The following PCDH15 variants were observed in gnomAD, a reference collection of about 807,000 sequenced individuals.
The protein encoded by PCDH15 is protocadherin related 15.
In PCDH15, 129 loss-of-function variants were observed where a neutral mutation model predicts 178.5. That is an observed-to-expected ratio of 0.72 (90% CI 0.63 to 0.84). The LOEUF (loss-of-function observed/expected upper bound fraction) is 0.84, where lower values mean the gene tolerates loss of function less well. PCDH15 is among the 40% of genes least tolerant of loss of function. The pLI is 0.00. For synonymous variants in PCDH15, 800 were observed against 732.0 expected (o/e 1.09, Z -1.50); for missense variants, 2,230 against 2,099.9 (o/e 1.06, Z -1.21).
intron 26 of PCDH15, among the ~76,000 whole-genome samples, chr10:53,878,598 T>A (rs1171120356): frequency 6.7e-6 from 1 of 150,320 alleles, no homozygotes; most frequent in Non-Finnish European, 1.5e-5. Context: ...CTGAAGGTGT[T>A]CTTATCTCTA....
intron 1 of PCDH15, among the ~76,000 whole-genome samples, chr10:55,238,877 G>A (rs1841465786): frequency 6.6e-6 from 1 of 152,028 alleles, no homozygotes; most frequent in Non-Finnish European, 1.5e-5. Context: ...GGAACACAAA[G>A]TACTTTTGTA....
At chr10:54,867,077 A>G (rs1215513239) in intron 3 of PCDH15, among the ~76,000 whole-genome samples, 1 of 152,194 alleles carries the variant, frequency 6.6e-6, no homozygotes, top group African/African-American at 2.4e-5. Context: ...ATAGCATCAA[A>G]TAACAACTGC....
intron 3 of PCDH15, among the ~76,000 whole-genome samples, chr10:54,388,705 A>G (rs1950199925): frequency 6.6e-6 from 1 of 152,224 alleles, no homozygotes; most frequent in Non-Finnish European, 1.5e-5. Context: ...TTAAAATAAA[A>G]TAAATCACCT....
intron 7 of PCDH15, among the ~76,000 whole-genome samples, chr10:54,328,803 T>A (rs991882648): frequency 2.6e-5 from 2 of 78,410 alleles, no homozygotes; most frequent in Admixed American, 1.3e-4. Context: ...AAGAGGGAAG[T>A]ATAAGGATGG....
intron 2 of PCDH15, among the ~76,000 whole-genome samples, chr10:55,399,617 A>T (rs1224703741): frequency 6.6e-6 from 1 of 152,124 alleles, no homozygotes; most frequent in Non-Finnish European, 1.5e-5. Context: ...ATCTTAGATT[A>T]CTCACTTCAC....
chr10:54,220,306 A>G (rs2052635379), intron 9 of PCDH15, among the ~76,000 whole-genome samples: 1 of 152,248 alleles, frequency 6.6e-6, no homozygotes, highest in African/African-American at 2.4e-5. Context: ...TGGGAAAGAT[A>G]TTTATTGCTT....
chr10:53,831,722 TC>T, intron 29 of PCDH15, among the ~76,000 whole-genome samples, 189 bp from the exon 30 acceptor site: 1 of 152,182 alleles, frequency 6.6e-6, no homozygotes, highest in South Asian at 2.1e-4. Context: ...TAATTACACA[TC>T]TGTATAGAAA....
chr10:54,048,489 A>C (rs1261918321), intron 18 of PCDH15, among the ~76,000 whole-genome samples: 1 of 152,122 alleles, frequency 6.6e-6, no homozygotes. Context: ...TGATGTCCAG[A>C]ATGATATTTC....
At chr10:55,503,670 G>A (rs1258358093) in intron 2 of PCDH15, among the ~76,000 whole-genome samples, 1 of 151,340 alleles carries the variant, frequency 6.6e-6, no homozygotes, top group Non-Finnish European at 1.5e-5. Flanking sequence ...ATAAGCATAT[G>A]AAAAGGTGCT....
At chr10:55,149,805 C>A (rs1838647322) in intron 2 of PCDH15, among the ~76,000 whole-genome samples, 1 of 152,048 alleles carries the variant, frequency 6.6e-6, no homozygotes, top group Non-Finnish European at 1.5e-5. Flanking sequence ...CCCAGAAATT[C>A]TGACCAATTG....
chr10:54,123,936 T>A (rs535553531), intron 15 of PCDH15, among the ~76,000 whole-genome samples: 1 of 152,164 alleles, frequency 6.6e-6, no homozygotes, highest in Non-Finnish European at 1.5e-5. Context: ...CACTTATAAG[T>A]GAGAACTAAA....
intron 3 of PCDH15, among the ~76,000 whole-genome samples, chr10:54,482,500 G>A (rs1033743371): frequency 6.6e-6 from 1 of 151,666 alleles, no homozygotes; most frequent in Admixed American, 6.6e-5. Context: ...TATTTATTTA[G>A]ATGCTCCCCA....
chr10:54,477,865 G>A (rs2078393468), intron 3 of PCDH15, among the ~76,000 whole-genome samples: 1 of 152,132 alleles, frequency 6.6e-6, no homozygotes, highest in African/African-American at 2.4e-5. Context: ...TTACAGGCAT[G>A]AGCTACTGCA....
rs773898624 is a variant in PCDH15 at position 54,317,408 on chromosome 10, T to A, written c.739A>T (p.Thr247Ser). 1 of 1,613,858 alleles carries A rather than the reference T, an allele frequency of 6.2e-7. No homozygotes were observed. The highest frequency in any genetic ancestry group is 1.1e-5 in the South Asian group (1 of 91,074). Residue 247 changes from threonine (T) to serine (S), a missense_variant, in exon 8 of 38, where the codon ACC (threonine) becomes TCC (serine). By Grantham distance (58) the Thr-to-Ser change is moderately conservative. Transcript: ENST00000644397. ...ACATCCACTGTGAGAGTGGTGGTGG[T>A]GGTTCGCCTCTCATTCAGATTTTGG... Reference protein sequence around the residue: ...RAQNLNERRTTTTTLTVDVLD... With the variant: ...RAQNLNERRTSTTTLTVDVLD...
intron 1 of PCDH15, among the ~76,000 whole-genome samples, chr10:54,687,168 G>T (rs2095027490): frequency 6.6e-6 from 1 of 152,056 alleles, no homozygotes; most frequent in African/African-American, 2.4e-5. Flanking sequence ...TTTTTAGTAA[G>T]AATGTGGAGA....
chr10:54,000,647 AG>A (rs1354229352), intron 20 of PCDH15, among the ~76,000 whole-genome samples: 2 of 81,820 alleles, frequency 2.4e-5, no homozygotes, highest in African/African-American at 4.8e-5. Flanking sequence ...AGGAGGCAAG[AG>A]AAAAAAAAGA....
At chr10:54,670,419 C>G (rs1590952478) in intron 1 of PCDH15, among the ~76,000 whole-genome samples, 2 of 152,122 alleles carry the variant, frequency 1.3e-5, no homozygotes, top group East Asian at 3.9e-4. Context: ...TCTGTTGAGT[C>G]TATTCATTAT....
chr10:54,945,932 T>C (rs926358055), intron 2 of PCDH15, among the ~76,000 whole-genome samples: 1 of 151,876 alleles, frequency 6.6e-6, no homozygotes, highest in Non-Finnish European at 1.5e-5. Flanking sequence ...ATAAATATTA[T>C]GTGTGTTTCA....
intron 2 of PCDH15, among the ~76,000 whole-genome samples, chr10:54,662,207 A>T (rs1282286285): frequency 6.6e-6 from 1 of 151,958 alleles, no homozygotes; most frequent in African/African-American, 2.4e-5. Context: ...CAACAAGAAC[A>T]AAACATATAA....
Sources: gnomAD v4.1 joint callset for allele counts (sites outside exome capture counted in the v4.1 genomes callset) on GRCh38, gnomAD v4.1.1 for gene constraint, MANE v1.5 for transcripts, NCBI Gene and HGNC (gene_info 2026-07-23, HGNC 2026-07-21) for gene names.